SPAG16: variants seen among roughly 807,000 people sequenced by gnomAD.
The protein encoded by SPAG16 is sperm associated antigen 16.
A neutral mutation model predicts 80.4 loss-of-function variants in SPAG16; 86 were observed. The ratio of observed to expected loss-of-function variants is 1.07; its 90% CI spans 0.90 to 1.28. The LOEUF (loss-of-function observed/expected upper bound fraction) is 1.28. Ranked by LOEUF, SPAG16 falls within the 50% of genes most tolerant of loss-of-function variation. The pLI, the probability that SPAG16 is intolerant of heterozygous loss-of-function variation, is 0.00. For synonymous variants in SPAG16, 294 were observed against 265.9 expected, an observed-to-expected ratio of 1.11 and a Z score of -1.03; for missense variants, 870 against 765.3, an observed-to-expected ratio of 1.14 and a Z score of -1.61.
At chr2:214,356,620 C>T (rs1469845799) in intron 15 of SPAG16, among the ~76,000 whole-genome samples, 1 of 151,906 alleles carries the variant, frequency 6.6e-6, no homozygotes, top group Admixed American at 6.6e-5. Context: ...CTCTATTTTG[C>T]TTCTTCTAGC....
chr2:213,795,953 T>G (rs1388919003), intron 10 of SPAG16, among the ~76,000 whole-genome samples: 1 of 152,158 alleles, frequency 6.6e-6, no homozygotes, highest in Non-Finnish European at 1.5e-5. Flanking sequence ...AAGTGTTTCT[T>G]TATAGCAGTG....
intron 15 of SPAG16, among the ~76,000 whole-genome samples, chr2:214,296,737 T>G (rs1477070607): frequency 6.6e-6 from 1 of 152,168 alleles, no homozygotes; most frequent in African/African-American, 2.4e-5. Flanking sequence ...ATAGTTTGGA[T>G]GTATGTCCCC....
chr2:213,994,606 G>A (rs2106462515), intron 12 of SPAG16, among the ~76,000 whole-genome samples: 2 of 150,426 alleles, frequency 1.3e-5, no homozygotes, highest in Non-Finnish European at 3.0e-5. Flanking sequence ...CAACATTAGG[G>A]GAAAATAATT....
intron 13 of SPAG16, among the ~76,000 whole-genome samples, chr2:214,087,057 G>A (rs2051818524): frequency 6.6e-6 from 1 of 152,106 alleles, no homozygotes; most frequent in African/African-American, 2.4e-5. Flanking sequence ...ATTCTATTAT[G>A]TGGTTTCTTC....
In SPAG16 at chr2:213,717,295, A is replaced by G. The variant is rs186339703; in HGVS notation, c.1071-145190A>G. Among the ~76,000 whole-genome samples the G allele has an allele frequency of 2.9e-3, 437 of 151,882 alleles. 1 individual carries two copies. Among genetic ancestry groups the G allele is most frequent in the African/African-American group, 0.01 (417 of 41,374 alleles). On this transcript the variant is annotated intron_variant, in intron 10 of 15. Transcript: ENST00000331683. ...GGCCTCAGGCTCCTGAGTAGCTAGGACTACAGGCGCCCGCCACCAAGCCTG... is the reference window on the plus strand; with the variant it reads ...GGCCTCAGGCTCCTGAGTAGCTAGGGCTACAGGCGCCCGCCACCAAGCCTG...
At chr2:213,848,033 C>T (rs2074718916) in intron 10 of SPAG16, among the ~76,000 whole-genome samples, 1 of 152,140 alleles carries the variant, frequency 6.6e-6, no homozygotes, top group Non-Finnish European at 1.5e-5. Context: ...GGTGATTAAG[C>T]TGTGTGATTG....
chr2:213,363,416 A>C lies in SPAG16; in HGVS notation c.763-660A>C, dbSNP rs1381369532. Among the ~76,000 whole-genome samples the C allele has an allele frequency of 2.0e-5, 3 of 152,108 alleles. No homozygotes were observed. The East Asian group carries it at 5.8e-4, about 29-fold the overall frequency. ...TTTCTATTAATAAAGAAATATTACT[A>C]TTCAGTGATAGTAGAAAAAAGTGTG... On this transcript the variant is annotated intron_variant, in intron 7 of 15. Transcript: ENST00000331683.
At chr2:214,289,288 G>T (rs1282563679) in intron 15 of SPAG16, among the ~76,000 whole-genome samples, 2 of 151,988 alleles carry the variant, frequency 1.3e-5, no homozygotes, top group African/African-American at 2.4e-5. Context: ...GCGCTTTTGG[G>T]GTCTTAGCCA....
At chr2:213,366,141 CAAAA>C (rs759352187) in intron 8 of SPAG16, among the ~76,000 whole-genome samples, 7 of 82,544 alleles carry the variant, frequency 8.5e-5, no homozygotes. Context: ...GACTCCGTCT[CAAAA>C]AAAAAAAAAA....
chr2:213,368,951 A>G (rs2066481010), intron 8 of SPAG16, among the ~76,000 whole-genome samples: 1 of 152,190 alleles, frequency 6.6e-6, no homozygotes, highest in Non-Finnish European at 1.5e-5. Context: ...ATGCTCATGG[A>G]TAGGAAGAAT....
At chr2:213,488,982 C>A (rs528276172) in intron 9 of SPAG16, among the ~76,000 whole-genome samples, 4 of 147,458 alleles carry the variant, frequency 2.7e-5, no homozygotes, top group Admixed American at 2.1e-4. Flanking sequence ...GGCTGAGGCA[C>A]GGGAATCGCC....
intron 15 of SPAG16, among the ~76,000 whole-genome samples, chr2:214,382,885 C>T (rs1700529851): frequency 6.6e-6 from 1 of 152,150 alleles, no homozygotes; most frequent in Admixed American, 6.5e-5. Context: ...CTAAGCATGA[C>T]TGTTGCTGAA....
chr2:213,859,033 G>A (rs2075296370), intron 10 of SPAG16, among the ~76,000 whole-genome samples: 1 of 151,088 alleles, frequency 6.6e-6, no homozygotes. Context: ...ACAAACATTA[G>A]CCAGACATGG....
chr2:214,305,575 T>C (rs1694855249), intron 15 of SPAG16, among the ~76,000 whole-genome samples: 1 of 152,224 alleles, frequency 6.6e-6, no homozygotes, highest in Admixed American at 6.5e-5. Flanking sequence ...GGATTCAGTT[T>C]CAATCTTCTG....
At chr2:213,674,181 C>G (rs1276026862) in intron 10 of SPAG16, among the ~76,000 whole-genome samples, 1 of 151,978 alleles carries the variant, frequency 6.6e-6, no homozygotes, top group Non-Finnish European at 1.5e-5. Flanking sequence ...AACTCTATAT[C>G]ATTCAAAAAT....
intron 12 of SPAG16, among the ~76,000 whole-genome samples, chr2:213,937,880 T>C (rs2079050621): frequency 6.6e-6 from 1 of 152,026 alleles, no homozygotes; most frequent in Admixed American, 6.6e-5. Context: ...GATACCAATA[T>C]ACATGGATCA....
intron 10 of SPAG16, among the ~76,000 whole-genome samples, chr2:213,750,643 A>C (rs1370072787): frequency 6.6e-6 from 1 of 152,148 alleles, no homozygotes; most frequent in African/African-American, 2.4e-5. Context: ...ACCTCTCTCT[A>C]TTCAACCTTT....
At chr2:213,703,906 A>G (rs936453469) in intron 10 of SPAG16, among the ~76,000 whole-genome samples, 6 of 152,164 alleles carry the variant, frequency 3.9e-5, no homozygotes, top group Non-Finnish European at 8.8e-5. Context: ...TTCTTCACAG[A>G]TATTACCTTC....
chr2:214,145,376 A>G (rs529816045), intron 14 of SPAG16, among the ~76,000 whole-genome samples: 10 of 152,136 alleles, frequency 6.6e-5, no homozygotes, highest in Non-Finnish European at 1.5e-4. Context: ...TGTATTTATA[A>G]ATAATGCTAC....
Sources: allele counts gnomAD v4.1 joint callset (sites outside exome capture counted in the v4.1 genomes callset), GRCh38; gene constraint gnomAD v4.1.1; transcripts MANE v1.5; gene names NCBI Gene and HGNC (gene_info 2026-07-23, HGNC 2026-07-21).